TMEM135: variants seen among roughly 807,000 people sequenced by gnomAD.
TMEM135 encodes the protein transmembrane protein 135.
A neutral mutation model predicts 60.3 loss-of-function variants in TMEM135; 30 were observed. That is an observed-to-expected ratio of 0.50 (90% confidence interval 0.37 to 0.68). TMEM135 has a LOEUF of 0.68. Ranked by LOEUF, TMEM135 falls within the 30% of genes least tolerant of loss-of-function variation. TMEM135 has a pLI of 0.00. For missense variants in TMEM135, 468 were observed against 548.8 expected (o/e 0.85, Z 1.47); for synonymous variants, 190 against 186.7 (o/e 1.02, Z -0.14).
intron 4 of TMEM135, among the ~76,000 whole-genome samples, chr11:87,112,658 A>G (rs2135201065): frequency 6.6e-6 from 1 of 152,276 alleles, no homozygotes; most frequent in South Asian, 2.1e-4. Context: ...TGGTAAAAAC[A>G]CATTTACAAA....
intron 6 of TMEM135, among the ~76,000 whole-genome samples, chr11:87,247,970 C>T (rs1375852683): frequency 6.6e-6 from 1 of 150,814 alleles, no homozygotes; most frequent in East Asian, 2.0e-4. Flanking sequence ...GGGCTTTAGA[C>T]TGGAGCTGTT....
At chr11:87,085,180 T>C (rs1200084703) in intron 3 of TMEM135, among the ~76,000 whole-genome samples, 1 of 152,216 alleles carries the variant, frequency 6.6e-6, no homozygotes, top group East Asian at 1.9e-4. Flanking sequence ...GATGAAGATG[T>C]TGCGTGAAAG....
rs1457017234 is a variant in TMEM135, at chr11:87,195,311, CTCTTTCCTTCCTTCCTTCCT to C, written c.462+37908_462+37927del. On this transcript the variant is annotated intron_variant, in intron 5 of 14. Coordinates refer to ENST00000305494, the MANE Select transcript of TMEM135 (RefSeq NM_022918.4). Reference sequence around the variant, plus strand: ...TGAAAAAGTCATTTTCTCTTTCTTTCTCTTTCCTTCCTTCCTTCCTTCCTTCCTTCCTTCCTTCCTTCCTT... The same window carrying C: ...TGAAAAAGTCATTTTCTCTTTCTTTCTCCTTCCTTCCTTCCTTCCTTCCTT... Among the ~76,000 whole-genome samples, 1,137 of 138,036 alleles carry C rather than the reference CTCTTTCCTTCCTTCCTTCCT, an allele frequency of 8.2e-3. 48 individuals carry two copies. The highest frequency in any genetic ancestry group is 0.022 in the African/African-American group (778 of 35,334). The allele number at this position is 138,036 out of a possible 152,430, so 90.6% of individuals were successfully genotyped here.
At chr11:87,208,593 T>C (rs1940291946) in intron 5 of TMEM135, among the ~76,000 whole-genome samples, 3 of 152,236 alleles carry the variant, frequency 2.0e-5, no homozygotes, top group Admixed American at 2.0e-4. Flanking sequence ...TCATTGGCAT[T>C]CCAAAAAGAG....
intron 5 of TMEM135, among the ~76,000 whole-genome samples, chr11:87,216,644 A>C (rs1311282945): frequency 2.0e-5 from 3 of 152,194 alleles, no homozygotes; most frequent in African/African-American, 4.8e-5. Context: ...TAAAAAACAA[A>C]ACTTTAAAAC....
chr11:87,169,745 A>G (rs1395894388), intron 5 of TMEM135, among the ~76,000 whole-genome samples: 2 of 151,952 alleles, frequency 1.3e-5, no homozygotes, highest in Non-Finnish European at 2.9e-5. Context: ...ATTTTCCTTC[A>G]TTTCAACCTT....
chr11:87,203,683 T>C (rs995293644), intron 5 of TMEM135, among the ~76,000 whole-genome samples: 3 of 152,230 alleles, frequency 2.0e-5, no homozygotes, highest in Non-Finnish European at 4.4e-5. Flanking sequence ...GTGCTGGTTT[T>C]TGTGTAGACA....
chr11:87,079,843 C>CTTTTT (rs139184730), intron 3 of TMEM135, among the ~76,000 whole-genome samples: 112 of 107,868 alleles, frequency 1.0e-3, no homozygotes, highest in Non-Finnish European at 1.5e-3. Flanking sequence ...CTTTTCTTTT[C>CTTTTT]TTTTTTTTTT....
At chr11:87,179,123 T>C (rs536846478) in intron 5 of TMEM135, among the ~76,000 whole-genome samples, 1 of 152,184 alleles carries the variant, frequency 6.6e-6, no homozygotes, top group Non-Finnish European at 1.5e-5. Flanking sequence ...TAATGACTAG[T>C]GATGTTGGAC....
intron 5 of TMEM135, among the ~76,000 whole-genome samples, chr11:87,197,247 C>G (rs1340536839): frequency 3.3e-5 from 5 of 151,980 alleles, no homozygotes; most frequent in Non-Finnish European, 5.9e-5. Context: ...TAGAAGTTTC[C>G]TGATATAAAC....
intron 6 of TMEM135, among the ~76,000 whole-genome samples, chr11:87,260,597 T>G (rs1466782721): frequency 6.6e-6 from 1 of 152,184 alleles, no homozygotes; most frequent in East Asian, 1.9e-4. Context: ...TAACAAAAAC[T>G]GTGTGAGTAA....
chr11:87,098,142 A>AT (rs11368149), intron 4 of TMEM135, among the ~76,000 whole-genome samples: 3,115 of 148,030 alleles, frequency 0.021, 36 homozygotes, highest in Non-Finnish European at 0.029. Flanking sequence ...GAGGTTGCAA[A>AT]TTTTTTTTTT....
intron 4 of TMEM135, among the ~76,000 whole-genome samples, chr11:87,119,389 A>G (rs189528282): frequency 2.7e-4 from 41 of 152,304 alleles, no homozygotes; most frequent in African/African-American, 9.6e-4. Flanking sequence ...TGGCACCCCA[A>G]AGCAATTGCA....
intron 4 of TMEM135, among the ~76,000 whole-genome samples, chr11:87,138,903 G>A (rs1207510863): frequency 6.6e-6 from 1 of 152,188 alleles, no homozygotes; most frequent in Non-Finnish European, 1.5e-5. Context: ...TTGGTGACAT[G>A]TGGAATTTTG....
intron 5 of TMEM135, among the ~76,000 whole-genome samples, chr11:87,163,245 A>C (rs1209810461): frequency 6.2e-5 from 8 of 129,370 alleles, no homozygotes; most frequent in Non-Finnish European, 1.1e-4. Context: ...TGTCCATGTG[A>C]TCTCATTGTT....
At chr11:87,076,563 A>G (rs1290892805) in intron 3 of TMEM135, among the ~76,000 whole-genome samples, 2 of 152,206 alleles carry the variant, frequency 1.3e-5, no homozygotes, top group South Asian at 4.1e-4. Context: ...CGTGCAAGAC[A>G]AAGTTCCCTT....
At chr11:87,269,823 A>C (rs1362971553) in intron 6 of TMEM135, among the ~76,000 whole-genome samples, 2 of 149,412 alleles carry the variant, frequency 1.3e-5, no homozygotes, top group African/African-American at 4.9e-5. Context: ...ATGTGTCTTT[A>C]TAGCAGCATG....
chr11:87,247,353 G>T (rs1187656833), intron 6 of TMEM135, among the ~76,000 whole-genome samples: 1 of 152,222 alleles, frequency 6.6e-6, no homozygotes, highest in African/African-American at 2.4e-5. Flanking sequence ...ATCTCCAGCT[G>T]TGTGCTGGGA....
At position 87,314,681 on chromosome 11, in the gene TMEM135, C is replaced by T. The variant is rs140232721; in HGVS notation, c.1077+134C>T. The stretch of plus-strand genomic sequence containing the variant: ...TCTAAAAGTATTTGCAAAGTTGATT[C>T]CCCTGTGTTTTTCTTTGTGTGTGTG... On this transcript the variant is annotated intron_variant, in intron 12 of 14. Transcript: ENST00000305494. 4.6e-4 allele frequency: 328 copies of T among 708,778 alleles called. 2 individuals carry two copies. The African/African-American group carries it at 5.5e-3, about 12-fold the overall frequency. 43.9% of individuals were successfully genotyped at this position (708,778 alleles called of 1,614,324 possible).
Sources: gnomAD v4.1 joint callset for allele counts (sites outside exome capture counted in the v4.1 genomes callset) on GRCh38, gnomAD v4.1.1 for gene constraint, MANE v1.5 for transcripts, NCBI Gene and HGNC (gene_info 2026-07-23, HGNC 2026-07-21) for gene names.